Variants in STON1 observed in about 807,000 individuals in gnomAD.
STON1 encodes the protein stonin 1.
STON1 carries 79 observed loss-of-function variants against 60.9 expected under a neutral mutation model. That is an observed-to-expected ratio of 1.30 (90% CI 1.08 to 1.56). The LOEUF is 1.56. Among genes scored for constraint, STON1 ranks in the 40% most tolerant of loss-of-function variants. The probability of loss-of-function intolerance (pLI) is 0.00; values close to 1 mark genes in which losing one functional copy is unlikely to be tolerated. For missense variants in STON1, 1,166 were observed against 858.9 expected, an observed-to-expected ratio of 1.36 and a Z score of -4.47; for synonymous variants, 363 against 306.9, an observed-to-expected ratio of 1.18 and a Z score of -1.91.
At chr2:48,563,456 G>A (rs1348691439) in intron 1 of STON1, among the ~76,000 whole-genome samples, 2 of 152,202 alleles carry the variant, frequency 1.3e-5, no homozygotes, top group Non-Finnish European at 2.9e-5. Context: ...AAGAATCTGT[G>A]GCTCTTACTT....
At chr2:48,549,840 A>C (rs910098565) in intron 1 of STON1, among the ~76,000 whole-genome samples, 1 of 146,554 alleles carries the variant, frequency 6.8e-6, no homozygotes, top group Non-Finnish European at 1.5e-5. Flanking sequence ...AAAAGAGAAA[A>C]GAAAAAGCAG....
chr2:48,583,305 T>C (rs528350341), intron 2 of STON1, among the ~76,000 whole-genome samples: 9 of 152,286 alleles, frequency 5.9e-5, no homozygotes, highest in African/African-American at 2.2e-4. Flanking sequence ...CCCAGGCTGC[T>C]CTTGAATTCC....
intron 1 of STON1, among the ~76,000 whole-genome samples, chr2:48,542,824 A>G (rs1671706419): frequency 6.6e-6 from 1 of 151,978 alleles, no homozygotes; most frequent in African/African-American, 2.4e-5. Context: ...GGATTGCTTG[A>G]GCCGGGGAGG....
chr2:48,535,217 C>T (rs1165636464), intron 1 of STON1, among the ~76,000 whole-genome samples: 21 of 151,766 alleles, frequency 1.4e-4, no homozygotes, highest in Admixed American at 1.4e-3. Context: ...AAAGGGTTTA[C>T]CATGGAATAA....
intron 1 of STON1, 111 bp from the exon 2 acceptor site, chr2:48,580,476 C>A: frequency 9.0e-7 from 1 of 1,111,334 alleles, no homozygotes; most frequent in Non-Finnish European, 1.1e-6. Flanking sequence ...ATCCACTTAG[C>A]CACCAACAGA....
chr2:48,542,027 G>A (rs1215283716), intron 1 of STON1, among the ~76,000 whole-genome samples: 1 of 152,154 alleles, frequency 6.6e-6, no homozygotes, highest in Non-Finnish European at 1.5e-5. Flanking sequence ...TCACATCTAT[G>A]TTGAAAAGAA....
At chr2:48,577,515 A>G (rs956677449) in intron 1 of STON1, among the ~76,000 whole-genome samples, 2 of 150,052 alleles carry the variant, frequency 1.3e-5, no homozygotes, top group African/African-American at 2.4e-5. Context: ...AGGGAGGCGG[A>G]TGTTGCAGTG....
intron 1 of STON1, among the ~76,000 whole-genome samples, chr2:48,564,492 CTTCTTCTT>C (rs1672799620): frequency 1.2e-4 from 3 of 24,624 alleles, no homozygotes; most frequent in African/African-American, 3.7e-4. Context: ...TCTTCTTCTT[CTTCTTCTT>C]CTTCTTCTTC....
In STON1 at chr2:48,561,270, C is replaced by A. The variant is rs75367113; in HGVS notation, c.-47-19317C>A. Among the ~76,000 whole-genome samples, 571 of 152,294 alleles carry A rather than the reference C, an allele frequency of 3.7e-3. 3 individuals carry two copies. The highest frequency in any genetic ancestry group is 0.013 in the African/African-American group (535 of 41,568). On this transcript the variant is annotated intron_variant, in intron 1 of 3. Transcript: ENST00000404752. ...TCCTGTGGCTCCACTAGTCCAAGGG[C>A]CAGATGCCCCACTCTCCTTTGTTTT... is the stretch of plus-strand genomic sequence containing the variant.
chr2:48,551,876 C>T (rs1045199745), intron 1 of STON1, among the ~76,000 whole-genome samples: 2 of 152,246 alleles, frequency 1.3e-5, no homozygotes, highest in Non-Finnish European at 2.9e-5. Flanking sequence ...CCTGAGGAGA[C>T]ACCCAGCCCA....
At chr2:48,584,029 T>C (rs1674057181) in intron 2 of STON1, among the ~76,000 whole-genome samples, 1 of 152,022 alleles carries the variant, frequency 6.6e-6, no homozygotes. Context: ...GATTACAGGC[T>C]TGAGCCACTG....
At chr2:48,567,498 G>C (rs574624408) in intron 1 of STON1, among the ~76,000 whole-genome samples, 1 of 152,166 alleles carries the variant, frequency 6.6e-6, no homozygotes. Flanking sequence ...TGCAGTCTCC[G>C]CCTCCTGTGT....
At chr2:48,553,282 C>T (rs1392073413) in intron 1 of STON1, among the ~76,000 whole-genome samples, 1 of 152,024 alleles carries the variant, frequency 6.6e-6, no homozygotes, top group Admixed American at 6.6e-5. Flanking sequence ...CTTGGAAAAC[C>T]TCCGGCCTGA....
intron 1 of STON1, among the ~76,000 whole-genome samples, chr2:48,564,095 C>G (rs1473265700): frequency 6.6e-6 from 1 of 152,076 alleles, no homozygotes; most frequent in Non-Finnish European, 1.5e-5. Flanking sequence ...ACCTGTAAGC[C>G]CTTTCTGATA....
chr2:48,588,190 A>C (rs1198734845), intron 2 of STON1, among the ~76,000 whole-genome samples: 1 of 152,204 alleles, frequency 6.6e-6, no homozygotes, highest in Non-Finnish European at 1.5e-5. Context: ...ATGTGACGCC[A>C]ATGCATCTGG....
intron 1 of STON1, among the ~76,000 whole-genome samples, chr2:48,580,218 A>G (rs780043686): frequency 3.9e-5 from 6 of 152,030 alleles, no homozygotes; most frequent in Non-Finnish European, 5.9e-5. Context: ...GGGTTAATAT[A>G]TATTTATAAT....
rs922330434 is a variant in STON1, at chr2:48,581,565, A to T, written c.932A>T (p.Tyr311Phe). 6.2e-7 allele frequency: 1 copy of T among 1,614,228 alleles called. No individual in the cohort carries two copies. The highest frequency in any genetic ancestry group is 2.2e-5 in the East Asian group (1 of 44,890). ...VLPGGILQMYYEQGLEKPFKE... is the reference protein window; with the variant it reads ...VLPGGILQMYFEQGLEKPFKE... ...CCTGGAGGAATTTTGCAGATGTATT[A>T]TGAACAGGGATTAGAAAAACCATTT... is the stretch of plus-strand genomic sequence containing the variant. Residue 311 changes from tyrosine (Y) to phenylalanine (F), a missense_variant, in exon 2 of 4, where the codon TAT (tyrosine) becomes TTT (phenylalanine). Transcript: ENST00000404752.
Position 48,595,632 on chromosome 2 carries a change from T to C in STON1, c.*330T>C, listed in dbSNP as rs952036688. ...TACTCAGTGGCTGACTGTTTTGCTC[T>C]CTGGATTACTGAGGTGCCGTCTTCA... On this transcript the variant is annotated 3_prime_UTR_variant, in exon 4 of 4. Transcript: ENST00000404752. 1 of 298,674 alleles carries C rather than the reference T, an allele frequency of 3.3e-6. No individual in the cohort carries two copies. The highest frequency in any genetic ancestry group is 6.2e-6 in the Non-Finnish European group (1 of 160,224). 18.5% of individuals were successfully genotyped at this position (298,674 alleles called of 1,614,324 possible). A position where few individuals can be genotyped will look rare whatever the true frequency, so the allele number is the denominator to read the frequency against.
chr2:48,577,066 A>G (rs1219442524), intron 1 of STON1, among the ~76,000 whole-genome samples: 1 of 148,766 alleles, frequency 6.7e-6, no homozygotes, highest in Non-Finnish European at 1.5e-5. Flanking sequence ...AAAAAAAAAG[A>G]AAAAAAGAAA....
Sources: gnomAD v4.1 joint callset for allele counts (sites outside exome capture counted in the v4.1 genomes callset) on GRCh38, gnomAD v4.1.1 for gene constraint, MANE v1.5 for transcripts, NCBI Gene and HGNC (gene_info 2026-07-23, HGNC 2026-07-21) for gene names.